SEPTIN10: variants seen among roughly 807,000 people sequenced by gnomAD.
SEPTIN10 encodes the protein septin-10.
SEPTIN10 carries 66 observed loss-of-function variants against 54.8 expected under a neutral mutation model. The observed-to-expected ratio is 1.21, with a 90% CI of 0.99 to 1.48. The LOEUF (loss-of-function observed/expected upper bound fraction) is 1.48. SEPTIN10 is among the 40% of genes most tolerant of loss of function. The pLI, the probability that SEPTIN10 is intolerant of heterozygous loss-of-function variation, is 0.00. For missense variants in SEPTIN10, 620 were observed against 545.6 expected, an observed-to-expected ratio of 1.14 and a Z score of -1.36; for synonymous variants, 161 against 181.0, an observed-to-expected ratio of 0.89 and a Z score of 0.89.
In SEPTIN10 at chr2:109,574,647, GAAGTA is replaced by G; in HGVS notation, c.529_533del (p.Tyr177HisfsTer12). On this transcript the variant is annotated frameshift_variant, in exon 5 of 11. Transcript: ENST00000397712. LOFTEE classifies it high-confidence loss of function. ...TCAGAGAGTGGCCTGTCGGTGAAAT[GAAGTA>G]GAGACACACATGGATGCGAGAATCA... is the stretch of plus-strand genomic sequence containing the variant. 6.2e-7 allele frequency: 1 copy of G among 1,606,700 alleles called. No individual in the cohort carries two copies. Among genetic ancestry groups the G allele is most frequent in the South Asian group, 1.1e-5 (1 of 89,532 alleles).
chr2:109,610,268 T>G (rs1190564845), intron 1 of SEPTIN10, among the ~76,000 whole-genome samples: 1 of 152,114 alleles, frequency 6.6e-6, no homozygotes, highest in Non-Finnish European at 1.5e-5. Context: ...TCCTGTATTT[T>G]TAGCAGAGAT....
At chr2:109,613,131 T>C in intron 1 of SEPTIN10, 1 of 1,276,506 alleles carries the variant, frequency 7.8e-7, no homozygotes, top group Non-Finnish European at 1.0e-6. Context: ...TTTGGAAAAC[T>C]CGATGTACAC....
rs1405483969 is a variant in SEPTIN10 at position 109,544,063 on chromosome 2, T to G, written c.*246A>C. ...GGGTCAAGTCAGTGCTCAAAAAGAT[T>G]CAGATTTTGAAGCTTCTGGATTTCA... On this transcript the variant is annotated 3_prime_UTR_variant, in exon 11 of 11. Transcript: ENST00000397712. 2.4e-6 allele frequency: 3 copies of G among 1,250,416 alleles called. No homozygotes were observed. The highest frequency in any genetic ancestry group is 3.0e-5 in the African/African-American group (2 of 65,874). The allele number at this position is 1,250,416 out of a possible 1,614,324, so 77.5% of individuals were successfully genotyped here.
At chr2:109,593,241 T>C in intron 1 of SEPTIN10, 122 bp from the exon 2 acceptor site, 1 of 552,768 alleles carries the variant, frequency 1.8e-6, no homozygotes, top group East Asian at 3.1e-5. Context: ...CAAGTTTTGA[T>C]GTGTAGTCTA....
intron 5 of SEPTIN10, among the ~76,000 whole-genome samples, chr2:109,571,824 G>A (rs1688467555): frequency 6.6e-6 from 1 of 152,144 alleles, no homozygotes. Context: ...CTGAACAAGT[G>A]CTCATTAGCT....
At chr2:109,571,642 A>T (rs1292961260) in intron 5 of SEPTIN10, among the ~76,000 whole-genome samples, 1 of 152,228 alleles carries the variant, frequency 6.6e-6, no homozygotes, top group Non-Finnish European at 1.5e-5. Context: ...TGCTGACTAA[A>T]ATGTAGTTTT....
At chr2:109,585,886 T>C in intron 2 of SEPTIN10, 48 bp from the exon 3 acceptor site, 1 of 1,450,708 alleles carries the variant, frequency 6.9e-7, no homozygotes, top group South Asian at 1.2e-5. Context: ...AAAACAACTT[T>C]GACTTAAATA....
intron 8 of SEPTIN10, among the ~76,000 whole-genome samples, chr2:109,563,039 T>G (rs1316731594): frequency 1.3e-5 from 2 of 152,006 alleles, no homozygotes; most frequent in African/African-American, 4.8e-5. Flanking sequence ...GCCTCCTGAG[T>G]AGCTGGTTTT....
intron 8 of SEPTIN10, among the ~76,000 whole-genome samples, chr2:109,554,517 C>A (rs1401178056): frequency 6.6e-6 from 1 of 152,090 alleles, no homozygotes; most frequent in Non-Finnish European, 1.5e-5. Flanking sequence ...CACACTCACA[C>A]CACCCCCACC....
At chr2:109,557,416 T>C (rs1684630413) in intron 8 of SEPTIN10, among the ~76,000 whole-genome samples, 1 of 152,148 alleles carries the variant, frequency 6.6e-6, no homozygotes, top group African/African-American at 2.4e-5. Context: ...CCTGACATTC[T>C]AAATAAGAAA....
intron 7 of SEPTIN10, among the ~76,000 whole-genome samples, chr2:109,564,887 CATA>C (rs1370526031): frequency 5.3e-5 from 8 of 152,288 alleles, no homozygotes; most frequent in East Asian, 1.9e-4. Context: ...AGACATTTCA[CATA>C]ATGTTTAAAG....
intron 4 of SEPTIN10, among the ~76,000 whole-genome samples, chr2:109,575,561 G>A (rs1475225861): frequency 6.6e-6 from 1 of 152,234 alleles, no homozygotes; most frequent in Non-Finnish European, 1.5e-5. Context: ...CAGTGCATGT[G>A]CAGAGCAGTG....
intron 4 of SEPTIN10, among the ~76,000 whole-genome samples, chr2:109,581,314 G>A (rs984548847): frequency 6.6e-6 from 1 of 152,022 alleles, no homozygotes; most frequent in Non-Finnish European, 1.5e-5. Flanking sequence ...GCGGGCACCT[G>A]TAATCCCAGC....
intron 1 of SEPTIN10, among the ~76,000 whole-genome samples, chr2:109,596,153 T>A (rs1377460093): frequency 6.6e-6 from 1 of 152,122 alleles, no homozygotes; most frequent in East Asian, 1.9e-4. Flanking sequence ...CACCTCAGTT[T>A]CCGAAACAGC....
At chr2:109,598,071 G>GT (rs942501619) in intron 1 of SEPTIN10, among the ~76,000 whole-genome samples, 19 of 151,720 alleles carry the variant, frequency 1.3e-4, no homozygotes, top group African/African-American at 2.7e-4. Flanking sequence ...GTTTTGTTTT[G>GT]TTTTTTTTGA....
chr2:109,582,401 CT>C (rs1298229434), intron 4 of SEPTIN10, among the ~76,000 whole-genome samples: 1 of 152,160 alleles, frequency 6.6e-6, no homozygotes. Context: ...CTCACTGCAG[CT>C]TCGACTTCCC....
chr2:109,596,917 A>G (rs189886064), intron 1 of SEPTIN10, among the ~76,000 whole-genome samples: 69 of 152,306 alleles, frequency 4.5e-4, no homozygotes, highest in Non-Finnish European at 8.4e-4. Flanking sequence ...AATACTGGAA[A>G]AGATTTTCTT....
At chr2:109,550,200 C>A (rs1353603689) in intron 9 of SEPTIN10, among the ~76,000 whole-genome samples, 2 of 151,586 alleles carry the variant, frequency 1.3e-5, no homozygotes, top group African/African-American at 2.4e-5. Flanking sequence ...TGAGGCAGGA[C>A]AATTGCTTGA....
At chr2:109,578,522 T>C (rs1231729736) in intron 4 of SEPTIN10, among the ~76,000 whole-genome samples, 1 of 70,938 alleles carries the variant, frequency 1.4e-5, no homozygotes, top group African/African-American at 5.4e-5. Context: ...TCCCAGCACT[T>C]TGGGAGGCCG....
Sources: allele counts gnomAD v4.1 joint callset (sites outside exome capture counted in the v4.1 genomes callset), GRCh38; gene constraint gnomAD v4.1.1; transcripts MANE v1.5; gene names NCBI Gene and HGNC (gene_info 2026-07-23, HGNC 2026-07-21).